The following DRC2 variants were observed in gnomAD, a reference collection of about 807,000 sequenced individuals.
The protein encoded by DRC2 is coiled-coil domain containing 65.
the DRC2 span, among the ~76,000 whole-genome samples, chr12:48,912,215 C>T: frequency 2.0e-5 from 3 of 151,796 alleles, no homozygotes; most frequent in African/African-American, 4.8e-5. Flanking sequence ...GAGCCAAGAT[C>T]GCACCACTGC....
the DRC2 span, among the ~76,000 whole-genome samples, chr12:48,912,415 G>A: frequency 5.0e-5 from 5 of 99,456 alleles, 1 homozygote; most frequent in Middle Eastern, 0.022. Context: ...TCCAGCCTGG[G>A]CAACAGAGCG....
chr12:48,920,111 TAAAAAAAAAAA>T, the DRC2 span, among the ~76,000 whole-genome samples: 2 of 32,080 alleles, frequency 6.2e-5, no homozygotes, highest in South Asian at 2.5e-3. Context: ...AGACCCTGTC[TAAAAAAAAAAA>T]AAAAAAAAAA....
chr12:48,904,798 G>A, the DRC2 span: 1 of 656,562 alleles, frequency 1.5e-6, no homozygotes, highest in South Asian at 2.4e-5. Context: ...CTCCCACCCT[G>A]AAGGAAATTC....
chr12:48,920,883 C>T, the DRC2 span: 4 of 1,556,966 alleles, frequency 2.6e-6, no homozygotes, highest in East Asian at 4.5e-5. Flanking sequence ...ACTAGCTTCC[C>T]TCTTCACTCC....
the DRC2 span, among the ~76,000 whole-genome samples, chr12:48,906,647 C>T: frequency 1.3e-5 from 2 of 151,612 alleles, no homozygotes; most frequent in African/African-American, 4.9e-5. Context: ...CTCACTGCAA[C>T]CTCTGCCTCC....
the DRC2 span, among the ~76,000 whole-genome samples, chr12:48,908,063 C>G: frequency 1.3e-5 from 2 of 152,102 alleles, no homozygotes; most frequent in Non-Finnish European, 2.9e-5. Context: ...CCCACCTGAG[C>G]AGTTGGGACT....
chr12:48,909,969 G>A, the DRC2 span, among the ~76,000 whole-genome samples: 54 of 151,576 alleles, frequency 3.6e-4, no homozygotes, highest in Admixed American at 1.6e-3. Context: ...TAGTAGAGAC[G>A]GGGCTTCATC....
At chr12:48,915,059 T>TC in the DRC2 span, among the ~76,000 whole-genome samples, 2 of 150,920 alleles carry the variant, frequency 1.3e-5, no homozygotes, top group African/African-American at 2.4e-5. Flanking sequence ...AACTTTTTTT[T>TC]CTTCTTTTTA....
At chr12:48,918,970 T>C in the DRC2 span, 2 of 1,319,836 alleles carry the variant, frequency 1.5e-6, no homozygotes, top group South Asian at 2.5e-5. Flanking sequence ...GTGAAAGGGA[T>C]TTGGAAAGGA....
chr12:48,904,540 C>T, the DRC2 span: 62 of 1,537,806 alleles, frequency 4.0e-5, no homozygotes, highest in Non-Finnish European at 9.6e-6. Context: ...CTGAGGAAAC[C>T]TCATTTTCAT....
At chr12:48,920,798 G>T in the DRC2 span, 1 of 705,926 alleles carries the variant, frequency 1.4e-6, no homozygotes, top group South Asian at 2.1e-5. Context: ...ACCTCCATTT[G>T]CTATATGTAT....
At chr12:48,907,083 C>T in the DRC2 span, among the ~76,000 whole-genome samples, 1 of 151,790 alleles carries the variant, frequency 6.6e-6, no homozygotes, top group Admixed American at 6.6e-5. Flanking sequence ...GGCGTGGTGG[C>T]GGGCACCTGT....
At chr12:48,912,505 G>A in the DRC2 span, among the ~76,000 whole-genome samples, 1 of 148,822 alleles carries the variant, frequency 6.7e-6, no homozygotes, top group Admixed American at 6.8e-5. Flanking sequence ...TAGGCTCCTG[G>A]AGGGACCATC....
the DRC2 span, among the ~76,000 whole-genome samples, chr12:48,912,437 C>CAAAAAAAAAAAAAAAAAATA: frequency 2.2e-5 from 1 of 45,356 alleles, no homozygotes. Context: ...GACGCCGTCT[C>CAAAAAAAAAAAAAAAAAATA]AAAAAAAAAA....
chr12:48,914,290 TAAAGTC>T, the DRC2 span: 6 of 1,093,806 alleles, frequency 5.5e-6, no homozygotes, highest in South Asian at 8.2e-5. Context: ...CCAGCATTCT[TAAAGTC>T]AAAGAATTGG....
chr12:48,914,665 C>T, the DRC2 span: 1 of 1,167,510 alleles, frequency 8.6e-7, no homozygotes. Flanking sequence ...TGGCTAGTAT[C>T]TTGGAGCATC....
chr12:48,916,954 G>C, the DRC2 span: 3 of 1,612,548 alleles, frequency 1.9e-6, no homozygotes, highest in Admixed American at 1.7e-5. Context: ...CAGGGACAGT[G>C]TCTTGTCTCC....
the DRC2 span, among the ~76,000 whole-genome samples, chr12:48,908,604 ATTAT>A: frequency 3.7e-4 from 41 of 110,906 alleles, no homozygotes; most frequent in African/African-American, 1.4e-3. Context: ...TATTATTATT[ATTAT>A]TTATTTATTT....
At chr12:48,921,359 T>G in the DRC2 span, 1 of 1,614,186 alleles carries the variant, frequency 6.2e-7, no homozygotes, top group South Asian at 1.1e-5. Context: ...ACCCACTCTT[T>G]ATAGTCAACT....
Sources: gnomAD v4.1 joint callset for allele counts (sites outside exome capture counted in the v4.1 genomes callset) on GRCh38, gnomAD v4.1.1 for gene constraint, MANE v1.5 for transcripts, NCBI Gene and HGNC (gene_info 2026-07-23, HGNC 2026-07-21) for gene names.